RHOU: variants seen among roughly 807,000 people sequenced by gnomAD.
RHOU encodes ras homolog family member U.
Under a neutral mutation model 12.6 loss-of-function variants are expected in RHOU, and 8 were observed. That is an observed-to-expected ratio of 0.64 (90% CI 0.37 to 1.15). The LOEUF (loss-of-function observed/expected upper bound fraction) is 1.15, where lower values mean the gene tolerates loss of function less well. RHOU is among the 50% of genes most tolerant of loss of function. The pLI is 0.01. For synonymous variants in RHOU, 161 were observed against 147.4 expected, an observed-to-expected ratio of 1.09 and a Z score of -0.67; for missense variants, 258 against 347.0, an observed-to-expected ratio of 0.74 and a Z score of 2.04.
At chr1:228,740,453 G>A (rs1281496126) in intron 2 of RHOU, among the ~76,000 whole-genome samples, 1 of 150,290 alleles carries the variant, frequency 6.7e-6, no homozygotes, top group East Asian at 1.9e-4. Context: ...TGAAAAATAA[G>A]CTGCTGGTAA....
the RHOU span, among the ~76,000 whole-genome samples, chr1:228,703,300 G>A: frequency 6.6e-5 from 10 of 152,208 alleles, no homozygotes; most frequent in South Asian, 6.2e-4. Flanking sequence ...GCCGAGGCGC[G>A]CGGATCATGA....
the RHOU span, among the ~76,000 whole-genome samples, chr1:228,722,606 T>C: frequency 6.6e-6 from 1 of 151,218 alleles, no homozygotes; most frequent in Non-Finnish European, 1.5e-5. Flanking sequence ...TGTCAGACCA[T>C]CCATGGAGTT....
chr1:228,740,760 G>T (rs566022511), intron 2 of RHOU, among the ~76,000 whole-genome samples: 10 of 152,342 alleles, frequency 6.6e-5, no homozygotes, highest in African/African-American at 1.9e-4. Flanking sequence ...TAGAACTTGG[G>T]GATGTGGAGC....
chr1:228,706,114 A>C, the RHOU span, among the ~76,000 whole-genome samples: 370 of 152,320 alleles, frequency 2.4e-3, 2 homozygotes, highest in Non-Finnish European at 3.7e-3. Context: ...CTGGAACTTC[A>C]GAATCTGAGA....
the RHOU span, among the ~76,000 whole-genome samples, chr1:228,671,026 T>C: frequency 6.6e-6 from 1 of 152,176 alleles, no homozygotes; most frequent in Admixed American, 6.5e-5. Flanking sequence ...TTTTTTCAGA[T>C]GTAGTCTCAC....
the RHOU span, among the ~76,000 whole-genome samples, chr1:228,659,841 G>A: frequency 7.9e-5 from 12 of 151,690 alleles, no homozygotes; most frequent in African/African-American, 1.2e-4. Flanking sequence ...AAACGTAGCC[G>A]GGTGTGGTGG....
At chr1:228,741,751 C>T (rs1199397645) in intron 2 of RHOU, among the ~76,000 whole-genome samples, 1 of 152,082 alleles carries the variant, frequency 6.6e-6, no homozygotes, top group Non-Finnish European at 1.5e-5. Context: ...CAAGTGATCC[C>T]CCTGCCTCAG....
At position 228,744,647 on chromosome 1, in the gene RHOU, G is replaced by T. The variant is rs990293902; in HGVS notation, c.*907G>T. The T allele has an allele frequency of 1.3e-5, 2 of 152,200 alleles. No individual in the cohort carries two copies. Among genetic ancestry groups the T allele is most frequent in the African/African-American group, 4.8e-5 (2 of 41,464 alleles). 9.4% of individuals were successfully genotyped at this position (152,200 alleles called of 1,614,324 possible). ...ATACTCAAGCTGTCTCTTCGGCAGG[G>T]AGGTGAATACTCTTGAAAGGCCAAC... On this transcript the variant is annotated 3_prime_UTR_variant, in exon 3 of 3. Transcript: ENST00000366691.
At chr1:228,742,068 A>G (rs1387855252) in intron 2 of RHOU, among the ~76,000 whole-genome samples, 2 of 152,252 alleles carry the variant, frequency 1.3e-5, no homozygotes, top group Non-Finnish European at 2.9e-5. Context: ...GAGTGTGTCA[A>G]TTGAGTAATG....
At chr1:228,711,045 A>G in the RHOU span, among the ~76,000 whole-genome samples, 1 of 152,142 alleles carries the variant, frequency 6.6e-6, no homozygotes, top group East Asian at 1.9e-4. Flanking sequence ...TCATGAGTGA[A>G]CTCCCATTCA....
At chr1:228,696,239 A>C in the RHOU span, among the ~76,000 whole-genome samples, 793 of 151,592 alleles carry the variant, frequency 5.2e-3, 8 homozygotes, top group African/African-American at 0.018. Context: ...AATTAAAAAA[A>C]AAAAACAAAA....
At chr1:228,740,974 C>T (rs1300769100) in intron 2 of RHOU, among the ~76,000 whole-genome samples, 1 of 152,054 alleles carries the variant, frequency 6.6e-6, no homozygotes, top group African/African-American at 2.4e-5. Flanking sequence ...AAAAAACATA[C>T]CTTTGGCATA....
chr1:228,732,336 C>T (rs535067922), upstream of RHOU, among the ~76,000 whole-genome samples: 1 of 152,262 alleles, frequency 6.6e-6, no homozygotes, highest in East Asian at 1.9e-4. Flanking sequence ...AACCCACACA[C>T]CTTGGAGGGC....
chr1:228,672,173 A>C, the RHOU span, among the ~76,000 whole-genome samples: 1 of 152,238 alleles, frequency 6.6e-6, no homozygotes, highest in Non-Finnish European at 1.5e-5. Context: ...ATATACACAC[A>C]TACATGTTTT....
chr1:228,681,189 C>G, the RHOU span, among the ~76,000 whole-genome samples: 1 of 152,176 alleles, frequency 6.6e-6, no homozygotes, highest in Admixed American at 6.5e-5. Context: ...CACATGTACT[C>G]TGACTATGCC....
rs1446539339 is a variant in RHOU, at chr1:228,743,196, C to A, written c.322-89C>A. 1.7e-6 allele frequency: 2 copies of A among 1,206,068 alleles called. No individual in the cohort carries two copies. Among genetic ancestry groups the A allele is most frequent in the East Asian group, 4.7e-5 (2 of 42,808 alleles). The allele number at this position is 1,206,068 out of a possible 1,614,324, so 74.7% of individuals were successfully genotyped here. A position where few individuals can be genotyped will look rare whatever the true frequency, so the allele number is the denominator to read the frequency against. On this transcript the variant is annotated intron_variant, in intron 2 of 2. Coordinates refer to ENST00000366691, the MANE Select transcript of RHOU (RefSeq NM_021205.6). This position sits in a 1 kb window ranked among gnomAD's most constrained non-coding sequence, Gnocchi z 5.1. ...AACCAGCGGGTCTTCTATCACCTGC[C>A]AGACCCTTTCATGAAAAATGTGAAG... is the stretch of plus-strand genomic sequence containing the variant.
At chr1:228,697,377 A>G in the RHOU span, among the ~76,000 whole-genome samples, 1 of 152,184 alleles carries the variant, frequency 6.6e-6, no homozygotes, top group Non-Finnish European at 1.5e-5. Context: ...CCCAGAGGAA[A>G]GCTTGGCCTG....
chr1:228,713,384 G>C, the RHOU span, among the ~76,000 whole-genome samples: 3 of 152,158 alleles, frequency 2.0e-5, no homozygotes, highest in Non-Finnish European at 4.4e-5. Flanking sequence ...AATATGTGGC[G>C]GTTTCAGTGC....
At chr1:228,720,191 C>T in the RHOU span, among the ~76,000 whole-genome samples, 2 of 152,038 alleles carry the variant, frequency 1.3e-5, no homozygotes, top group Admixed American at 6.6e-5. Context: ...AAAAAGGACT[C>T]CTATTAGATT....
Sources: allele counts gnomAD v4.1 joint callset (sites outside exome capture counted in the v4.1 genomes callset), GRCh38; gene constraint gnomAD v4.1.1; non-coding constraint Gnocchi (gnomAD v3.1); transcripts MANE v1.5; gene names NCBI Gene and HGNC (gene_info 2026-07-23, HGNC 2026-07-21).